Variants in ASAP1 observed in about 807,000 individuals in gnomAD.
The protein encoded by ASAP1 is ArfGAP with SH3 domain, ankyrin repeat and PH domain 1, also known as arf-GAP with SH3 domain, ANK repeat and PH domain-containing protein 1.
ASAP1 carries 43 observed loss-of-function variants against 145.2 expected under a neutral mutation model. That is an observed-to-expected ratio of 0.30 (90% CI 0.23 to 0.38). The LOEUF is 0.38. Ranked by LOEUF, ASAP1 falls within the 10% of genes least tolerant of loss-of-function variation. ASAP1 has a pLI of 1.00. For synonymous variants in ASAP1, 546 were observed against 515.5 expected, an observed-to-expected ratio of 1.06 and a Z score of -0.80; for missense variants, 1,018 against 1,355.3, an observed-to-expected ratio of 0.75 and a Z score of 3.91.
intron 2 of ASAP1, among the ~76,000 whole-genome samples, chr8:130,395,627 C>T (rs778309689): frequency 1.3e-5 from 2 of 152,068 alleles, no homozygotes; most frequent in African/African-American, 4.8e-5. Context: ...ACTGCCAACA[C>T]GTTGATCTTG....
intron 4 of ASAP1, among the ~76,000 whole-genome samples, chr8:130,232,348 C>T (rs1457511341): frequency 2.6e-5 from 4 of 151,932 alleles, no homozygotes; most frequent in Non-Finnish European, 1.5e-5. Flanking sequence ...AGCAAAAGGG[C>T]GAAGGAGGGA....
At chr8:130,188,700 C>A (rs1282812406) in intron 5 of ASAP1, among the ~76,000 whole-genome samples, 2 of 130,988 alleles carry the variant, frequency 1.5e-5, no homozygotes, top group Non-Finnish European at 3.1e-5. Flanking sequence ...CCACTGCATT[C>A]CAGCCTGAGT....
At chr8:130,061,254 G>A (rs2097418932) in intron 27 of ASAP1, among the ~76,000 whole-genome samples, 185 bp from the exon 28 acceptor site, 1 of 152,092 alleles carries the variant, frequency 6.6e-6, no homozygotes, top group Non-Finnish European at 1.5e-5. Context: ...CCTGGAAAGT[G>A]TTACAATTCA....
intron 25 of ASAP1, among the ~76,000 whole-genome samples, chr8:130,085,454 A>G (rs936220759): frequency 7.2e-5 from 11 of 152,164 alleles, no homozygotes; most frequent in African/African-American, 2.4e-4. Flanking sequence ...AAAGAGGAGG[A>G]CCGGGTGAAG....
In ASAP1 at chr8:130,434,276, A is replaced by G. The variant is rs1039834453; in HGVS notation, c.-28+9184T>C. Among the ~76,000 whole-genome samples, 5 of 152,316 alleles carry G rather than the reference A, an allele frequency of 3.3e-5. No individual in the cohort carries two copies. In the East Asian group the frequency reaches 5.8e-4, roughly 18 times the overall value. On this transcript the variant is annotated intron_variant, in intron 1 of 29. Coordinates refer to ENST00000518721, the MANE Select transcript of ASAP1 (RefSeq NM_018482.4). Reference sequence around the variant, plus strand: ...CTTGAACCTGGGATTGCAAGGATGCAGTGAGCTGCCATAGCGCCACTGCAC... The same window carrying G: ...CTTGAACCTGGGATTGCAAGGATGCGGTGAGCTGCCATAGCGCCACTGCAC...
At chr8:130,080,851 T>A (rs1214767781) in intron 25 of ASAP1, among the ~76,000 whole-genome samples, 1 of 152,188 alleles carries the variant, frequency 6.6e-6, no homozygotes. Context: ...CAGGCTGGTC[T>A]AAAATTCCTG....
At chr8:130,404,938 C>T (rs558645313) in intron 1 of ASAP1, among the ~76,000 whole-genome samples, 1 of 152,060 alleles carries the variant, frequency 6.6e-6, no homozygotes, top group Admixed American at 6.6e-5. Flanking sequence ...AGATCAAAGA[C>T]ATGTGGAGCA....
At chr8:130,380,535 G>A (rs988684683) in intron 2 of ASAP1, among the ~76,000 whole-genome samples, 3 of 152,248 alleles carry the variant, frequency 2.0e-5, no homozygotes, top group East Asian at 3.9e-4. Flanking sequence ...TCCACCAACC[G>A]GCTGGGGTCA....
chr8:130,110,538 A>C (rs998761029), intron 24 of ASAP1, among the ~76,000 whole-genome samples: 1 of 152,232 alleles, frequency 6.6e-6, no homozygotes, highest in Non-Finnish European at 1.5e-5. Flanking sequence ...ACAGACCTGC[A>C]GCTTGATATG....
intron 3 of ASAP1, among the ~76,000 whole-genome samples, chr8:130,319,834 T>C (rs890347210): frequency 7.9e-5 from 12 of 152,082 alleles, no homozygotes; most frequent in Non-Finnish European, 1.3e-4. Context: ...AGGGCAAAAG[T>C]TTTTAATGAC....
At chr8:130,366,650 C>CT (rs1229886010) in intron 2 of ASAP1, among the ~76,000 whole-genome samples, 1 of 152,144 alleles carries the variant, frequency 6.6e-6, no homozygotes, top group Non-Finnish European at 1.5e-5. Flanking sequence ...ACCTGGGGTT[C>CT]AATCTCAGTG....
At chr8:130,146,257 A>G (rs1271476578) in intron 13 of ASAP1, among the ~76,000 whole-genome samples, 1 of 152,128 alleles carries the variant, frequency 6.6e-6, no homozygotes, top group Non-Finnish European at 1.5e-5. Flanking sequence ...TTTGTAAATC[A>G]AGACTTTAAA....
At chr8:130,097,590 G>C (rs1241532184) in intron 24 of ASAP1, among the ~76,000 whole-genome samples, 1 of 152,202 alleles carries the variant, frequency 6.6e-6, no homozygotes, top group East Asian at 1.9e-4. Context: ...GTCTATGTCA[G>C]AAGTGTGCCC....
At chr8:130,231,799 T>C (rs72722397) in intron 4 of ASAP1, among the ~76,000 whole-genome samples, 5,303 of 152,320 alleles carry the variant, frequency 0.035, 124 homozygotes, top group Middle Eastern at 0.065. Context: ...TGTCTCACTG[T>C]GTTTTTTAAA....
chr8:130,090,660 T>A (rs1564947083), intron 25 of ASAP1, among the ~76,000 whole-genome samples: 1 of 152,204 alleles, frequency 6.6e-6, no homozygotes, highest in Non-Finnish European at 1.5e-5. Context: ...CTCTAATGAC[T>A]TACCCACGTG....
chr8:130,142,306 T>G (rs755053511), intron 13 of ASAP1, among the ~76,000 whole-genome samples: 1 of 152,110 alleles, frequency 6.6e-6, no homozygotes, highest in Non-Finnish European at 1.5e-5. Flanking sequence ...CAAGAACATT[T>G]CCTCCTGATT....
chr8:130,391,038 C>A (rs1412655280), intron 2 of ASAP1, among the ~76,000 whole-genome samples: 1 of 151,170 alleles, frequency 6.6e-6, no homozygotes, highest in Non-Finnish European at 1.5e-5. Flanking sequence ...AACACGTATT[C>A]ATCCACGGAT....
At chr8:130,069,559 T>C (rs1464172567) in intron 27 of ASAP1, 1 of 152,242 alleles carries the variant, frequency 6.6e-6, no homozygotes, top group Non-Finnish European at 1.5e-5. Context: ...TTTTTTGCTG[T>C]TGTTAAAAAA....
At chr8:130,206,319 T>C (rs55871312) in intron 5 of ASAP1, among the ~76,000 whole-genome samples, 4,023 of 152,276 alleles carry the variant, frequency 0.026, 63 homozygotes, top group Middle Eastern at 0.044. Flanking sequence ...AATTTTACCA[T>C]TAGGCACATC....
Sources: allele counts gnomAD v4.1 joint callset (sites outside exome capture counted in the v4.1 genomes callset), GRCh38; gene constraint gnomAD v4.1.1; transcripts MANE v1.5; gene names NCBI Gene and HGNC (gene_info 2026-07-23, HGNC 2026-07-21).